Variants in PIP5K1B observed in about 807,000 individuals in gnomAD.
The protein encoded by PIP5K1B is phosphatidylinositol 4-phosphate 5-kinase type-1 beta.
Under a neutral mutation model 67.0 loss-of-function variants are expected in PIP5K1B, and 42 were observed. That is an observed-to-expected ratio of 0.63 (90% CI 0.49 to 0.81). PIP5K1B has a LOEUF of 0.81. Among genes scored for constraint, PIP5K1B ranks in the 30% least tolerant of loss-of-function variants. The pLI is 0.00. For missense variants in PIP5K1B, 459 were observed against 646.3 expected, an observed-to-expected ratio of 0.71 and a Z score of 3.14; for synonymous variants, 214 against 231.4, an observed-to-expected ratio of 0.92 and a Z score of 0.68.
At chr9:68,956,998 G>C (rs1450820182) in intron 14 of PIP5K1B, among the ~76,000 whole-genome samples, 2 of 152,194 alleles carry the variant, frequency 1.3e-5, no homozygotes, top group Non-Finnish European at 2.9e-5. Flanking sequence ...AATGGCTTGA[G>C]ATAGAATAAA....
chr9:68,898,658 C>T lies in PIP5K1B; in HGVS notation c.771+4020C>T, dbSNP rs144142182. Among the ~76,000 whole-genome samples, 67 of 152,192 alleles carry T rather than the reference C, an allele frequency of 4.4e-4. No homozygotes were observed. The East Asian group carries it at 0.012, about 28-fold the overall frequency. ...TCTTCTGTGACCCAGGGAACATGAC[C>T]ATCGTGCAGCCAGATACCCAGATCT... On this transcript the variant is annotated intron_variant, in intron 8 of 15. Coordinates refer to ENST00000265382, the MANE Select transcript of PIP5K1B (RefSeq NM_003558.4).
intron 14 of PIP5K1B, among the ~76,000 whole-genome samples, chr9:68,989,685 T>C: frequency 6.6e-6 from 1 of 152,004 alleles, no homozygotes; most frequent in East Asian, 1.9e-4. Context: ...TTTAACACTA[T>C]AAAAATGGAG....
At chr9:68,857,457 T>G (rs1184563775) in intron 4 of PIP5K1B, among the ~76,000 whole-genome samples, 1 of 152,224 alleles carries the variant, frequency 6.6e-6, no homozygotes, top group East Asian at 1.9e-4. Context: ...AATCTATCCC[T>G]GTTTCTTTCT....
At chr9:68,894,683 A>G (rs953036) in intron 8 of PIP5K1B, 45 bp downstream of exon 8, 45,864 of 1,553,634 alleles carry the variant, frequency 0.03, 1,583 homozygotes, top group African/African-American at 0.15. Flanking sequence ...CTCTGTGCTC[A>G]TGTAAACTGT....
At chr9:68,882,458 A>G (rs1232075119) in intron 6 of PIP5K1B, among the ~76,000 whole-genome samples, 1 of 152,218 alleles carries the variant, frequency 6.6e-6, no homozygotes, top group Non-Finnish European at 1.5e-5. Context: ...ATGACATAAT[A>G]AAAGAATATT....
At chr9:68,888,800 C>A (rs1343288243) in intron 6 of PIP5K1B, among the ~76,000 whole-genome samples, 181 bp from the exon 7 acceptor site, 1 of 151,830 alleles carries the variant, frequency 6.6e-6, no homozygotes, top group Non-Finnish European at 1.5e-5. Context: ...GATAAACAGA[C>A]CAATTAAATC....
chr9:68,935,802 A>T (rs911982533), intron 13 of PIP5K1B: 3 of 152,174 alleles, frequency 2.0e-5, no homozygotes, highest in African/African-American at 7.2e-5. Flanking sequence ...GAGGTACTAC[A>T]CGTTCTTTAC....
rs531661048 is a variant in PIP5K1B, at chr9:68,767,002, A to T, written c.-86+24345A>T. On this transcript the variant is annotated intron_variant, in intron 2 of 15. Coordinates refer to ENST00000265382, the MANE Select transcript of PIP5K1B (RefSeq NM_003558.4). Reference sequence around the variant, plus strand: ...CAGATAGCCCAAGTAAATTCTTCAAATAGTCAGGGATATTGATATTAAGTA... The same window carrying T: ...CAGATAGCCCAAGTAAATTCTTCAATTAGTCAGGGATATTGATATTAAGTA... Among the ~76,000 whole-genome samples the T allele has an allele frequency of 1.1e-3, 173 of 152,320 alleles. 1 individual carries two copies. Among genetic ancestry groups the T allele is most frequent in the African/African-American group, 3.9e-3 (164 of 41,560 alleles).
chr9:68,775,738 T>C (rs561129907), intron 2 of PIP5K1B, among the ~76,000 whole-genome samples: 42 of 152,370 alleles, frequency 2.8e-4, no homozygotes, highest in African/African-American at 8.7e-4. Context: ...CTACTTATTT[T>C]GACTTCTAAG....
rs547208737 is a variant in PIP5K1B, at chr9:68,709,169, G to C, written c.-243+3407G>C. ...TTAGAGAGTTAGTACATTTGAAAAT[G>C]GTTTAGCATTTATATGTTTAAGTTT... On this transcript the variant is annotated intron_variant, in intron 1 of 15. Coordinates refer to ENST00000265382, the MANE Select transcript of PIP5K1B (RefSeq NM_003558.4). Among the ~76,000 whole-genome samples, 7 of 152,232 alleles carry C rather than the reference G, an allele frequency of 4.6e-5. No individual in the cohort carries two copies. In the East Asian group the frequency reaches 9.6e-4, roughly 21 times the overall value.
At chr9:68,713,817 G>A (rs1052667092) in intron 1 of PIP5K1B, among the ~76,000 whole-genome samples, 1 of 152,188 alleles carries the variant, frequency 6.6e-6, no homozygotes, top group African/African-American at 2.4e-5. Context: ...CTGTCAAGGA[G>A]GCTGACTGTG....
chr9:68,937,653 A>T (rs1355474833), intron 13 of PIP5K1B, among the ~76,000 whole-genome samples: 1 of 151,770 alleles, frequency 6.6e-6, no homozygotes, highest in Non-Finnish European at 1.5e-5. Context: ...CTAGATTTTG[A>T]ATTTGTTTGC....
intron 4 of PIP5K1B, among the ~76,000 whole-genome samples, chr9:68,837,008 C>T (rs541219255): frequency 6.6e-6 from 1 of 152,368 alleles, no homozygotes; most frequent in South Asian, 2.1e-4. Flanking sequence ...ATGTTACAGA[C>T]ATCCATGCCC....
chr9:68,749,882 T>C (rs2132346323), intron 2 of PIP5K1B, among the ~76,000 whole-genome samples: 1 of 152,296 alleles, frequency 6.6e-6, no homozygotes, highest in South Asian at 2.1e-4. Flanking sequence ...CTACACCCTG[T>C]TGAGAAACAC....
intron 14 of PIP5K1B, among the ~76,000 whole-genome samples, chr9:68,948,456 C>T (rs1009802173): frequency 1.3e-5 from 2 of 152,042 alleles, no homozygotes; most frequent in Non-Finnish European, 2.9e-5. Flanking sequence ...CTTAGCAAGA[C>T]CTCATTTCTA....
intron 2 of PIP5K1B, chr9:68,788,972 T>C: frequency 3.0e-6 from 1 of 337,592 alleles, no homozygotes; most frequent in Non-Finnish European, 5.7e-6. Flanking sequence ...TGGAAGCTGA[T>C]ATCATCCAAC....
At chr9:68,878,943 G>A (rs1824036658) in intron 6 of PIP5K1B, among the ~76,000 whole-genome samples, 1 of 152,180 alleles carries the variant, frequency 6.6e-6, no homozygotes, top group Non-Finnish European at 1.5e-5. Flanking sequence ...AGATGTGGAT[G>A]TGTTCAGTTT....
intron 2 of PIP5K1B, among the ~76,000 whole-genome samples, chr9:68,746,076 C>CTTTTTTTTT (rs11306038): frequency 9.3e-6 from 1 of 107,100 alleles, no homozygotes; most frequent in Non-Finnish European, 1.8e-5. Context: ...TGTGTTAACT[C>CTTTTTTTTT]TTTTTTTTTT....
At chr9:68,947,681 G>A (rs573742509) in intron 14 of PIP5K1B, among the ~76,000 whole-genome samples, 1 of 152,290 alleles carries the variant, frequency 6.6e-6, no homozygotes, top group African/African-American at 2.4e-5. Flanking sequence ...AAGTAATCAT[G>A]GAACCAATTT....
Sources: gnomAD v4.1 joint callset for allele counts (sites outside exome capture counted in the v4.1 genomes callset) on GRCh38, gnomAD v4.1.1 for gene constraint, MANE v1.5 for transcripts, NCBI Gene and HGNC (gene_info 2026-07-23, HGNC 2026-07-21) for gene names.